The following LRRC2 variants were observed in gnomAD, a reference collection of about 807,000 sequenced individuals.
LRRC2 encodes leucine-rich repeat-containing protein 2.
In LRRC2, 27 loss-of-function variants were observed where a neutral mutation model predicts 40.2. The ratio of observed to expected loss-of-function variants is 0.67; its 90% CI spans 0.49 to 0.93. The LOEUF is 0.93. Ranked by LOEUF, LRRC2 falls within the 40% of genes least tolerant of loss-of-function variation. The pLI, the probability that LRRC2 is intolerant of heterozygous loss-of-function variation, is 0.00. For synonymous variants in LRRC2, 147 were observed against 158.9 expected, an observed-to-expected ratio of 0.92 and a Z score of 0.56; for missense variants, 402 against 439.6, an observed-to-expected ratio of 0.91 and a Z score of 0.76.
At chr3:46,526,897 T>C (rs1383008839) in intron 7 of LRRC2, among the ~76,000 whole-genome samples, 1 of 152,246 alleles carries the variant, frequency 6.6e-6, no homozygotes, top group Non-Finnish European at 1.5e-5. Context: ...CTCCAGATTC[T>C]GGGAGGATGT....
intron 1 of LRRC2, among the ~76,000 whole-genome samples, chr3:46,561,451 G>T (rs1279257824): frequency 1.3e-5 from 2 of 152,254 alleles, no homozygotes; most frequent in East Asian, 1.9e-4. Context: ...TACTAAGGAG[G>T]TTGATGTGAG....
intron 3 of LRRC2, among the ~76,000 whole-genome samples, chr3:46,540,341 A>G (rs996948299): frequency 1.3e-4 from 20 of 152,316 alleles, no homozygotes; most frequent in African/African-American, 4.8e-4. Flanking sequence ...CCTGGCCAAC[A>G]TGGTGAAACC....
At chr3:46,556,704 G>A (rs555316367) in intron 1 of LRRC2, among the ~76,000 whole-genome samples, 20 of 148,356 alleles carry the variant, frequency 1.3e-4, no homozygotes, top group East Asian at 1.0e-3. Flanking sequence ...TCAGCCTCCC[G>A]AGTAGCTGGA....
At chr3:46,551,251 G>A in intron 2 of LRRC2, 1 of 404,216 alleles carries the variant, frequency 2.5e-6, no homozygotes, top group Non-Finnish European at 4.3e-6. Flanking sequence ...CTACCACAAG[G>A]GTGGTGGGTA....
intron 8 of LRRC2, among the ~76,000 whole-genome samples, chr3:46,519,439 C>T (rs1008884763): frequency 4.6e-5 from 7 of 152,128 alleles, no homozygotes; most frequent in African/African-American, 1.7e-4. Context: ...CAGAGGGTAC[C>T]GTTTATAAGA....
chr3:46,545,158 C>T lies in LRRC2; in HGVS notation c.221G>A (p.Arg74Gln), dbSNP rs146246618. Residue 74 changes from arginine to glutamine, a missense_variant, in exon 3 of 9, where the codon CGG (arginine) becomes CAG (glutamine). Arg to Gln is a conservative substitution (Grantham distance 43, BLOSUM62 1). Transcript: ENST00000395905. ...CKNGFIDTSV[R>Q]LLDKIERNTL... ...GTTCCTTTCAATCTTGTCCAGAAGC[C>T]GCACGCTGGTGTCTATGAAGCCATT... The T allele has an allele frequency of 1.9e-5, 30 of 1,614,042 alleles. No individual in the cohort carries two copies. Among genetic ancestry groups the T allele is most frequent in the Non-Finnish European group, 2.3e-5 (27 of 1,180,034 alleles).
At position 46,532,889 on chromosome 3, in the gene LRRC2, C is replaced by A. The variant is rs1400974005; in HGVS notation, c.511G>T (p.Glu171Ter). 4 of 1,613,742 alleles carry A rather than the reference C, an allele frequency of 2.5e-6. No homozygotes were observed. The Admixed American group carries it at 6.7e-5, about 27-fold the overall frequency. Residue 171 changes from glutamate (E) to a stop codon, truncating the protein, a stop_gained, in exon 5 of 9, where the codon GAA becomes TAA. Coordinates refer to ENST00000395905, the MANE Select transcript of LRRC2 (RefSeq NM_024512.5). LOFTEE classifies it high-confidence loss of function. ...AEIGCLKNLK[E>*]LNVGFNYLKS... ...AGATAGTTGAAACCCACATTGAGTT[C>A]TTTCAGGTTCTTCAAACAACCTGTC...
At chr3:46,548,738 T>C (rs1209736207) in intron 2 of LRRC2, among the ~76,000 whole-genome samples, 3 of 152,204 alleles carry the variant, frequency 2.0e-5, no homozygotes. Flanking sequence ...CTCAACCTTT[T>C]TGGCACCAGG....
Position 46,539,067 on chromosome 3 carries a change from G to A in LRRC2, c.468C>T (p.Ile156=). ...TACCGATTTCTGCTGGAAGATGTGA[G>A]ATTTGGTTTTTTGGCAGATCCAGAA... The part of the protein sequence containing the change: ...MRILDLPKNQ[I]SHLPAEIGCL... The change falls in exon 4 of 9, where the codon ATC becomes ATT. Residue 156 remains isoleucine (I), a synonymous_variant. Transcript: ENST00000395905. 6.2e-7 allele frequency: 1 copy of A among 1,613,872 alleles called. No individual in the cohort carries two copies. The highest frequency in any genetic ancestry group is 1.1e-5 in the South Asian group (1 of 91,016).
intron 4 of LRRC2, among the ~76,000 whole-genome samples, chr3:46,534,472 GTTTC>G (rs1227410151): frequency 3.7e-5 from 3 of 81,576 alleles, no homozygotes; most frequent in Admixed American, 1.2e-4. Flanking sequence ...TTCTTTCTTT[GTTTC>G]TTTCTTTCTT....
chr3:46,556,156 G>T, intron 1 of LRRC2, among the ~76,000 whole-genome samples: 1 of 148,282 alleles, frequency 6.7e-6, no homozygotes, highest in Admixed American at 6.8e-5. Flanking sequence ...ATCTCACTCT[G>T]TCACCCAGGC....
chr3:46,565,431 A>T (rs1468604065), intron 1 of LRRC2, among the ~76,000 whole-genome samples: 1 of 152,240 alleles, frequency 6.6e-6, no homozygotes, highest in Non-Finnish European at 1.5e-5. Flanking sequence ...AAGTTCAATC[A>T]TTTAAAGAAA....
At chr3:46,548,792 G>T (rs137895060) in intron 2 of LRRC2, among the ~76,000 whole-genome samples, 1 of 152,156 alleles carries the variant, frequency 6.6e-6, no homozygotes, top group Non-Finnish European at 1.5e-5. Context: ...TGAGGGGTTG[G>T]GGGGATGGTT....
chr3:46,565,585 G>C (rs1705040145), intron 1 of LRRC2, among the ~76,000 whole-genome samples: 1 of 152,210 alleles, frequency 6.6e-6, no homozygotes, highest in African/African-American at 2.4e-5. Flanking sequence ...CCCAGTCCCT[G>C]AGTTCTGGGA....
chr3:46,517,059 T>C lies in LRRC2; in HGVS notation c.*1955A>G, dbSNP rs967709405. ...GTTAAATGTGGCTATTTAAATTTAATTGAATTGAAAGATGGGTTCTTCAAT... is the reference window on the plus strand; with the variant it reads ...GTTAAATGTGGCTATTTAAATTTAACTGAATTGAAAGATGGGTTCTTCAAT... On this transcript the variant is annotated 3_prime_UTR_variant, in exon 9 of 9. Coordinates refer to ENST00000395905, the MANE Select transcript of LRRC2 (RefSeq NM_024512.5). The C allele has an allele frequency of 6.6e-6, 1 of 152,204 alleles. No individual in the cohort carries two copies. The highest frequency in any genetic ancestry group is 2.4e-5 in the African/African-American group (1 of 41,442). 9.4% of individuals were successfully genotyped at this position (152,204 alleles called of 1,614,324 possible). A position where few individuals can be genotyped will look rare whatever the true frequency, so the allele number is the denominator to read the frequency against.
chr3:46,525,704 A>G (rs143672032), intron 7 of LRRC2, among the ~76,000 whole-genome samples: 7 of 152,332 alleles, frequency 4.6e-5, no homozygotes, highest in Non-Finnish European at 8.8e-5. Flanking sequence ...TTGGAATTAT[A>G]TTACACTTAA....
intron 2 of LRRC2, 149 bp downstream of exon 2, chr3:46,551,318 C>T: frequency 1.1e-6 from 1 of 873,966 alleles, no homozygotes; most frequent in South Asian, 2.0e-5. Context: ...TACTGAGCAA[C>T]AGTGTAAGGC....
At chr3:46,543,663 C>G (rs6801759) in intron 3 of LRRC2, among the ~76,000 whole-genome samples, 98,400 of 149,418 alleles carry the variant, frequency 0.66, 33,135 homozygotes, top group Middle Eastern at 0.77. Flanking sequence ...TAATAAATAC[C>G]CTTTACAATG....
At chr3:46,562,978 G>A (rs775580320) in intron 1 of LRRC2, among the ~76,000 whole-genome samples, 30 of 151,924 alleles carry the variant, frequency 2.0e-4, no homozygotes, top group African/African-American at 4.4e-4. Context: ...TGCCCGCCTC[G>A]GCATCCCAAA....
Sources: allele counts gnomAD v4.1 joint callset (sites outside exome capture counted in the v4.1 genomes callset), GRCh38; gene constraint gnomAD v4.1.1; transcripts MANE v1.5; gene names NCBI Gene and HGNC (gene_info 2026-07-23, HGNC 2026-07-21).